FAM107B: variants seen among roughly 807,000 people sequenced by gnomAD.
FAM107B encodes family with sequence similarity 107 member B.
In FAM107B, 21 loss-of-function variants were observed where a neutral mutation model predicts 31.5. That is an observed-to-expected ratio of 0.67 (90% confidence interval 0.47 to 0.96). The LOEUF (loss-of-function observed/expected upper bound fraction) is 0.96, where lower values mean the gene tolerates loss of function less well. Among genes scored for constraint, FAM107B ranks in the 40% least tolerant of loss-of-function variants. The pLI is 0.00. For missense variants in FAM107B, 452 were observed against 377.1 expected, an observed-to-expected ratio of 1.20 and a Z score of -1.64; for synonymous variants, 157 against 141.5, an observed-to-expected ratio of 1.11 and a Z score of -0.78.
At chr10:14,542,746 A>G (rs1006765601) in intron 2 of FAM107B, 1 of 152,208 alleles carries the variant, frequency 6.6e-6, no homozygotes, top group African/African-American at 2.4e-5. Flanking sequence ...CCAAATACCC[A>G]TTTCTCTAAC....
At chr10:14,725,163 G>C (rs745330555) in intron 1 of FAM107B, among the ~76,000 whole-genome samples, 4 of 152,130 alleles carry the variant, frequency 2.6e-5, no homozygotes, top group African/African-American at 9.7e-5. Context: ...ACTCTCAGAC[G>C]GTCAGCATCC....
chr10:14,703,415 CA>C (rs1855449063), intron 1 of FAM107B, among the ~76,000 whole-genome samples: 1 of 151,496 alleles, frequency 6.6e-6, no homozygotes, highest in Non-Finnish European at 1.5e-5. Context: ...CGGCTCACTG[CA>C]ACCTCCGCCT....
intron 1 of FAM107B, among the ~76,000 whole-genome samples, chr10:14,726,788 G>T (rs1049515888): frequency 1.3e-5 from 2 of 152,102 alleles, no homozygotes; most frequent in African/African-American, 4.8e-5. Context: ...TTGGCATCAG[G>T]GGCCAGTTTC....
chr10:14,563,858 CA>C (rs1050719428), intron 2 of FAM107B, among the ~76,000 whole-genome samples: 1 of 152,046 alleles, frequency 6.6e-6, no homozygotes, highest in African/African-American at 2.4e-5. Context: ...AACAGATTCA[CA>C]AAAATGGAAA....
intron 2 of FAM107B, among the ~76,000 whole-genome samples, chr10:14,548,044 C>T (rs1330743677): frequency 2.0e-5 from 3 of 152,192 alleles, no homozygotes; most frequent in South Asian, 2.1e-4. Flanking sequence ...ACAACCAATA[C>T]GCAGGCTTCG....
chr10:14,694,133 G>T (rs1367269531), intron 1 of FAM107B, among the ~76,000 whole-genome samples: 4 of 152,174 alleles, frequency 2.6e-5, no homozygotes, highest in Non-Finnish European at 5.9e-5. Context: ...GGACACTTAG[G>T]TTGTTTCCAT....
At chr10:14,705,221 T>C (rs1855492752) in intron 1 of FAM107B, among the ~76,000 whole-genome samples, 1 of 151,870 alleles carries the variant, frequency 6.6e-6, no homozygotes, top group Non-Finnish European at 1.5e-5. Context: ...TAATAAGCAG[T>C]GATGAGAATG....
intron 1 of FAM107B, among the ~76,000 whole-genome samples, chr10:14,690,266 T>C (rs1478145784): frequency 6.6e-6 from 1 of 152,176 alleles, no homozygotes; most frequent in Non-Finnish European, 1.5e-5. Context: ...CACCTTCAGG[T>C]CACTGAAGAT....
chr10:14,574,822 T>G (rs113622407), intron 2 of FAM107B, among the ~76,000 whole-genome samples: 58 of 152,346 alleles, frequency 3.8e-4, no homozygotes, highest in African/African-American at 1.3e-3. Context: ...AAATTCTGTA[T>G]GAAGATGGTG....
intron 2 of FAM107B, among the ~76,000 whole-genome samples, chr10:14,651,557 G>A (rs371319893): frequency 2.3e-4 from 35 of 152,274 alleles, no homozygotes; most frequent in Admixed American, 3.9e-4. Flanking sequence ...AGCTGGGATC[G>A]CGCCATTGCA....
chr10:14,542,658 A>C (rs1298527531), intron 2 of FAM107B: 1 of 152,216 alleles, frequency 6.6e-6, no homozygotes, highest in Non-Finnish European at 1.5e-5. Flanking sequence ...CGCTTTGAAC[A>C]ATTCTGTCTT....
At chr10:14,583,679 C>T (rs1029962418) in intron 2 of FAM107B, among the ~76,000 whole-genome samples, 1 of 152,066 alleles carries the variant, frequency 6.6e-6, no homozygotes, top group Non-Finnish European at 1.5e-5. Flanking sequence ...CTAATCTGGG[C>T]ACGTCCTTGC....
At chr10:14,629,417 TAA>T (rs1156896108) in intron 2 of FAM107B, among the ~76,000 whole-genome samples, 1 of 832 alleles carries the variant, frequency 1.2e-3, no homozygotes, top group Non-Finnish European at 0.026. Context: ...TTAATATATA[TAA>T]TATATATAAT....
intron 1 of FAM107B, among the ~76,000 whole-genome samples, chr10:14,754,773 C>T (rs1178585022): frequency 6.6e-6 from 1 of 152,208 alleles, no homozygotes; most frequent in Non-Finnish European, 1.5e-5. Context: ...CTGTAAGATG[C>T]AGATGCACCT....
At chr10:14,737,766 TTC>T (rs11276189) in intron 1 of FAM107B, among the ~76,000 whole-genome samples, 4,982 of 127,044 alleles carry the variant, frequency 0.039, 344 homozygotes, top group African/African-American at 0.15. Flanking sequence ...CGTGCACGCT[TTC>T]TCTCTCTCTC....
chr10:14,724,701 A>G (rs1359782017), intron 1 of FAM107B, among the ~76,000 whole-genome samples: 2 of 152,032 alleles, frequency 1.3e-5, no homozygotes, highest in Admixed American at 1.3e-4. Flanking sequence ...AAAAAAAAAC[A>G]ACACCTAAAC....
chr10:14,656,308 C>G (rs1007908597), intron 2 of FAM107B, among the ~76,000 whole-genome samples: 4 of 152,132 alleles, frequency 2.6e-5, no homozygotes, highest in Non-Finnish European at 4.4e-5. Flanking sequence ...CTTCCAGGGC[C>G]AAAATTTCAC....
At chr10:14,704,076 G>A (rs1169495766) in intron 1 of FAM107B, among the ~76,000 whole-genome samples, 1 of 152,170 alleles carries the variant, frequency 6.6e-6, no homozygotes, top group Non-Finnish European at 1.5e-5. Context: ...AGCAATCATG[G>A]TTCCCATTCT....
chr10:14,772,970 T>C (rs1437482022), intron 1 of FAM107B, among the ~76,000 whole-genome samples: 5 of 152,340 alleles, frequency 3.3e-5, no homozygotes, highest in African/African-American at 9.6e-5. Context: ...ATTGGTACCA[T>C]AAATATCCAA....
Sources: gnomAD v4.1 joint callset for allele counts (sites outside exome capture counted in the v4.1 genomes callset) on GRCh38, gnomAD v4.1.1 for gene constraint, MANE v1.5 for transcripts, NCBI Gene and HGNC (gene_info 2026-07-23, HGNC 2026-07-21) for gene names.